The following DAB1 variants were observed in gnomAD, a reference collection of about 807,000 sequenced individuals.
DAB1 encodes disabled homolog 1.
DAB1 carries 15 observed loss-of-function variants against 64.6 expected under a neutral mutation model. That is an observed-to-expected ratio of 0.23 (90% CI 0.16 to 0.36). The LOEUF (loss-of-function observed/expected upper bound fraction) is 0.36. Among genes scored for constraint, DAB1 ranks in the 10% least tolerant of loss-of-function variants. DAB1 has a pLI of 1.00. For synonymous variants in DAB1, 235 were observed against 251.9 expected, an observed-to-expected ratio of 0.93 and a Z score of 0.64; for missense variants, 596 against 706.7, an observed-to-expected ratio of 0.84 and a Z score of 1.78.
At chr1:58,266,467 G>A (rs1321128947) in intron 4 of DAB1, among the ~76,000 whole-genome samples, 1 of 152,212 alleles carries the variant, frequency 6.6e-6, no homozygotes, top group Non-Finnish European at 1.5e-5. Context: ...CTTTTACCCA[G>A]GATCTGACAC....
chr1:57,173,635 A>T (rs2100934600), intron 2 of DAB1, among the ~76,000 whole-genome samples: 1 of 152,342 alleles, frequency 6.6e-6, no homozygotes, highest in South Asian at 2.1e-4. Flanking sequence ...GCTTTCTTAA[A>T]TTAAGGCAAG....
chr1:58,048,277 GC>G, intron 5 of DAB1: 1 of 1,282,778 alleles, frequency 7.8e-7, no homozygotes, highest in Non-Finnish European at 1.1e-6. Flanking sequence ...CGCCATAGGG[GC>G]CAGAGCTTCT....
chr1:57,257,837 AG>A (rs1370625625), intron 2 of DAB1, among the ~76,000 whole-genome samples: 1 of 152,102 alleles, frequency 6.6e-6, no homozygotes, highest in Non-Finnish European at 1.5e-5. Flanking sequence ...CTCTGTGCCT[AG>A]TGGTCACATT....
intron 7 of DAB1, among the ~76,000 whole-genome samples, chr1:57,645,838 G>A (rs1378674648): frequency 6.6e-6 from 1 of 152,152 alleles, no homozygotes; most frequent in Non-Finnish European, 1.5e-5. Flanking sequence ...AGAGAAGAAA[G>A]GGGAAATTAC....
intron 2 of DAB1, among the ~76,000 whole-genome samples, chr1:57,248,797 C>T (rs1033121223): frequency 1.3e-5 from 2 of 152,192 alleles, no homozygotes; most frequent in Admixed American, 6.5e-5. Flanking sequence ...CAGGTATCTG[C>T]ATTTGCTCAG....
chr1:57,072,211 G>T, intron 5 of DAB1, 72 bp downstream of exon 5: 1 of 1,558,786 alleles, frequency 6.4e-7, no homozygotes, highest in South Asian at 1.2e-5. Context: ...GGCCCTCAAA[G>T]ACCAACGGAG....
intron 9 of DAB1, among the ~76,000 whole-genome samples, chr1:57,034,003 C>T (rs1325048397): frequency 1.3e-5 from 2 of 152,098 alleles, no homozygotes; most frequent in African/African-American, 4.8e-5. Flanking sequence ...TCCCCTCGGC[C>T]GGGCGCGGTG....
At chr1:57,066,311 T>C (rs1337194447) in intron 8 of DAB1, among the ~76,000 whole-genome samples, 1 of 152,222 alleles carries the variant, frequency 6.6e-6, no homozygotes, top group Non-Finnish European at 1.5e-5. Flanking sequence ...TTGATTTTCT[T>C]ATGTTCAAAA....
intron 4 of DAB1, among the ~76,000 whole-genome samples, chr1:58,185,182 G>A (rs1007325029): frequency 1.3e-5 from 2 of 152,068 alleles, no homozygotes; most frequent in African/African-American, 4.8e-5. Flanking sequence ...TTCTAGTCTG[G>A]GTCCTACTCA....
At chr1:57,752,509 C>T (rs1258371406) in intron 6 of DAB1, among the ~76,000 whole-genome samples, 2 of 152,166 alleles carry the variant, frequency 1.3e-5, no homozygotes, top group Non-Finnish European at 2.9e-5. Context: ...ATGAATTATT[C>T]TCTGTTCATA....
intron 1 of DAB1, among the ~76,000 whole-genome samples, chr1:57,828,347 T>A (rs1178994844): frequency 6.6e-6 from 1 of 152,180 alleles, no homozygotes; most frequent in Non-Finnish European, 1.5e-5. Flanking sequence ...GACATCTGAT[T>A]TTAAAACTCC....
chr1:58,149,892 T>A (rs1654824937), intron 5 of DAB1, among the ~76,000 whole-genome samples: 1 of 152,140 alleles, frequency 6.6e-6, no homozygotes, highest in African/African-American at 2.4e-5. Context: ...AAAAAAAACT[T>A]CTTTTATAAT....
intron 3 of DAB1, among the ~76,000 whole-genome samples, chr1:58,487,387 A>C (rs1422538425): frequency 6.6e-6 from 1 of 152,222 alleles, no homozygotes; most frequent in Non-Finnish European, 1.5e-5. Context: ...GTAATATAAT[A>C]TCGTATTGTC....
chr1:57,067,310 G>A (rs776559235), intron 8 of DAB1, among the ~76,000 whole-genome samples: 2 of 152,032 alleles, frequency 1.3e-5, no homozygotes, highest in Non-Finnish European at 2.9e-5. Context: ...TCAGAATCAG[G>A]GGATTCTGAG....
At chr1:57,852,238 C>T (rs1207267456) in intron 1 of DAB1, among the ~76,000 whole-genome samples, 1 of 152,206 alleles carries the variant, frequency 6.6e-6, no homozygotes, top group Non-Finnish European at 1.5e-5. Context: ...GAATGCCACA[C>T]AGAGAGGCCA....
intron 9 of DAB1, among the ~76,000 whole-genome samples, chr1:57,059,481 C>T (rs1483478902): frequency 1.3e-5 from 2 of 152,038 alleles, no homozygotes; most frequent in African/African-American, 4.8e-5. Flanking sequence ...TTGAGTTATC[C>T]TTGTATTTGT....
intron 2 of DAB1, among the ~76,000 whole-genome samples, chr1:57,157,906 A>G (rs1306684252): frequency 6.6e-6 from 1 of 152,206 alleles, no homozygotes; most frequent in Non-Finnish European, 1.5e-5. Flanking sequence ...ACTGCAACAC[A>G]TTCAGAGAAG....
intron 1 of DAB1, among the ~76,000 whole-genome samples, chr1:57,377,435 T>C (rs1406868474): frequency 6.6e-6 from 1 of 152,100 alleles, no homozygotes; most frequent in Non-Finnish European, 1.5e-5. Context: ...AGAATCGAAA[T>C]CTTTGGGGAG....
chr1:58,176,537 CA>C (rs1434160698), intron 4 of DAB1, among the ~76,000 whole-genome samples: 1 of 152,132 alleles, frequency 6.6e-6, no homozygotes, highest in Non-Finnish European at 1.5e-5. Flanking sequence ...AAACCAATAT[CA>C]AGGTGCTGGC....
Sources: allele counts gnomAD v4.1 joint callset (sites outside exome capture counted in the v4.1 genomes callset), GRCh38; gene constraint gnomAD v4.1.1; transcripts MANE v1.5; gene names NCBI Gene and HGNC (gene_info 2026-07-23, HGNC 2026-07-21).